The following CCDC178 variants were observed in gnomAD, a reference collection of about 807,000 sequenced individuals.
CCDC178 encodes the protein coiled-coil domain containing 178, also known as coiled-coil domain-containing protein 178.
CCDC178 carries 126 observed loss-of-function variants against 117.4 expected under a neutral mutation model. That is an observed-to-expected ratio of 1.07 (90% CI 0.93 to 1.24). The LOEUF is 1.24. Ranked by LOEUF, CCDC178 falls within the 50% of genes most tolerant of loss-of-function variation. The pLI is 0.00. For missense variants in CCDC178, 1,030 were observed against 986.9 expected (o/e 1.04, Z -0.59); for synonymous variants, 283 against 313.4 (o/e 0.90, Z 1.02).
intron 4 of CCDC178, among the ~76,000 whole-genome samples, chr18:33,391,604 T>G (rs1046216330): frequency 6.6e-6 from 1 of 152,134 alleles, no homozygotes; most frequent in African/African-American, 2.4e-5. Context: ...AGTTAGAAAT[T>G]TGTCACATAA....
intron 11 of CCDC178, among the ~76,000 whole-genome samples, chr18:33,315,489 T>C (rs183539851): frequency 1.8e-4 from 28 of 152,152 alleles, no homozygotes; most frequent in South Asian, 4.1e-4. Context: ...ATCCTACTTA[T>C]CTTGATCTTC....
chr18:33,157,012 A>C (rs967428870), intron 20 of CCDC178, among the ~76,000 whole-genome samples: 1 of 152,222 alleles, frequency 6.6e-6, no homozygotes, highest in Non-Finnish European at 1.5e-5. Context: ...GATTCAGAAC[A>C]GTCTACATAT....
intron 20 of CCDC178, among the ~76,000 whole-genome samples, chr18:33,162,443 A>G (rs2058476894): frequency 6.6e-6 from 1 of 152,148 alleles, no homozygotes; most frequent in African/African-American, 2.4e-5. Context: ...TTTTTAAACT[A>G]TTATTTTAGG....
chr18:32,943,973 C>G (rs1383768781), intron 22 of CCDC178, among the ~76,000 whole-genome samples: 1 of 152,160 alleles, frequency 6.6e-6, no homozygotes, highest in Non-Finnish European at 1.5e-5. Flanking sequence ...TTCATATATT[C>G]ATGCAACAAA....
chr18:33,301,035 T>C (rs1237108681), intron 11 of CCDC178, among the ~76,000 whole-genome samples: 1 of 152,106 alleles, frequency 6.6e-6, no homozygotes, highest in Non-Finnish European at 1.5e-5. Context: ...TACAGGAAAA[T>C]GGCCCAGGAG....
intron 12 of CCDC178, among the ~76,000 whole-genome samples, chr18:33,281,121 A>G (rs1204633890): frequency 7.0e-6 from 1 of 143,054 alleles, no homozygotes; most frequent in East Asian, 2.1e-4. Flanking sequence ...TAATAAAGAA[A>G]CACACACACA....
intron 18 of CCDC178, among the ~76,000 whole-genome samples, chr18:33,217,611 G>C (rs1248696056): frequency 1.3e-5 from 2 of 151,656 alleles, no homozygotes; most frequent in African/African-American, 4.8e-5. Context: ...TGTATAGTTT[G>C]TCATTATTGG....
intron 14 of CCDC178, among the ~76,000 whole-genome samples, chr18:33,263,769 A>T (rs544115518): frequency 6.6e-6 from 1 of 152,292 alleles, no homozygotes; most frequent in African/African-American, 2.4e-5. Flanking sequence ...ACAAAATCAT[A>T]GTCTAGAGCA....
chr18:33,294,701 A>G (rs1187978551), intron 11 of CCDC178, among the ~76,000 whole-genome samples: 1 of 152,196 alleles, frequency 6.6e-6, no homozygotes, highest in African/African-American at 2.4e-5. Context: ...TGAGAGTTAG[A>G]TAGCCTCAAC....
chr18:33,158,534 G>A (rs549829575), intron 20 of CCDC178, among the ~76,000 whole-genome samples: 32 of 151,918 alleles, frequency 2.1e-4, no homozygotes, highest in African/African-American at 5.3e-4. Context: ...TTTAAAAAGG[G>A]AAAATTTTAG....
chr18:33,075,978 T>A (rs1381541538), intron 21 of CCDC178, among the ~76,000 whole-genome samples: 5 of 152,148 alleles, frequency 3.3e-5, no homozygotes, highest in African/African-American at 1.2e-4. Flanking sequence ...TGAAAAAAAA[T>A]TATGTAGATA....
At chr18:33,153,731 T>G (rs2058363722) in intron 20 of CCDC178, among the ~76,000 whole-genome samples, 1 of 152,018 alleles carries the variant, frequency 6.6e-6, no homozygotes, top group Non-Finnish European at 1.5e-5. Flanking sequence ...ATTTATACAG[T>G]AAATGTTCTT....
intron 15 of CCDC178, among the ~76,000 whole-genome samples, chr18:33,232,927 ATAGATT>A (rs1448828399): frequency 1.3e-5 from 2 of 152,112 alleles, no homozygotes; most frequent in East Asian, 3.9e-4. Flanking sequence ...CTTAATACTC[ATAGATT>A]TAAACACTAT....
chr18:33,037,904 G>T (rs1598814374), intron 21 of CCDC178, among the ~76,000 whole-genome samples: 1 of 151,944 alleles, frequency 6.6e-6, no homozygotes, highest in Non-Finnish European at 1.5e-5. Flanking sequence ...TGCCATAATA[G>T]AAATTCTTTC....
chr18:33,180,316 T>C (rs2058719587), intron 20 of CCDC178, among the ~76,000 whole-genome samples: 1 of 151,924 alleles, frequency 6.6e-6, no homozygotes, highest in Non-Finnish European at 1.5e-5. Context: ...AGAAGAAATC[T>C]TCCCCCAATG....
At chr18:33,134,026 T>C (rs1165463698) in intron 20 of CCDC178, among the ~76,000 whole-genome samples, 1 of 151,888 alleles carries the variant, frequency 6.6e-6, no homozygotes, top group African/African-American at 2.4e-5. Context: ...AGACTTAAGC[T>C]AATCAATTCT....
intron 6 of CCDC178, among the ~76,000 whole-genome samples, 169 bp from the exon 7 acceptor site, chr18:33,356,515 C>G (rs920139726): frequency 6.6e-6 from 1 of 151,806 alleles, no homozygotes; most frequent in South Asian, 2.1e-4. Context: ...CTAAGCCCCC[C>G]CAACTGACTG....
At chr18:33,344,383 C>T (rs567266063) in intron 9 of CCDC178, among the ~76,000 whole-genome samples, 115 of 150,262 alleles carry the variant, frequency 7.7e-4, no homozygotes, top group Non-Finnish European at 1.3e-3. Context: ...TGGCTACTTA[C>T]GTAAAATAAC....
chr18:33,019,523 ACTT>A (rs2056067383), intron 21 of CCDC178, among the ~76,000 whole-genome samples: 1 of 152,184 alleles, frequency 6.6e-6, no homozygotes, highest in Admixed American at 6.5e-5. Context: ...TAAGAGATGT[ACTT>A]CTTCTTCACT....
Sources: allele counts gnomAD v4.1 joint callset (sites outside exome capture counted in the v4.1 genomes callset), GRCh38; gene constraint gnomAD v4.1.1; transcripts MANE v1.5; gene names NCBI Gene and HGNC (gene_info 2026-07-23, HGNC 2026-07-21).